Variants in DIAPH2 observed in about 807,000 individuals in gnomAD.
DIAPH2 encodes protein diaphanous homolog 2.
Under a neutral mutation model 92.7 loss-of-function variants are expected in DIAPH2, and 35 were observed. The observed-to-expected ratio is 0.38, with a 90% CI of 0.29 to 0.50. The LOEUF (loss-of-function observed/expected upper bound fraction) is 0.50, where lower values mean the gene tolerates loss of function less well. Among genes scored for constraint, DIAPH2 ranks in the 20% least tolerant of loss-of-function variants. The pLI, the probability that DIAPH2 is intolerant of heterozygous loss-of-function variation, is 0.94. For missense variants in DIAPH2, 701 were observed against 819.5 expected (o/e 0.86, Z 1.77); for synonymous variants, 301 against 280.4 (o/e 1.07, Z -0.73).
Position 96,838,725 on chromosome X carries a change from A to C in DIAPH2, c.448-42854A>C, listed in dbSNP as rs766842033. On this transcript the variant is annotated intron_variant, in intron 4 of 26. Transcript: ENST00000324765. Reference sequence around the variant, plus strand: ...ACCGTAATAGATGAAATGGAAAGTAATTATGTTAATGTTGACTCATTATGA... The same window carrying C: ...ACCGTAATAGATGAAATGGAAAGTACTTATGTTAATGTTGACTCATTATGA... Among the ~76,000 whole-genome samples, 3 of 112,009 alleles carry C rather than the reference A, an allele frequency of 2.7e-5. No homozygotes were observed. In the Admixed American group the frequency reaches 2.8e-4, roughly 11 times the overall value.
intron 26 of DIAPH2, among the ~76,000 whole-genome samples, chrX:97,476,293 A>G (rs956567121): frequency 1.8e-5 from 2 of 112,263 alleles, no homozygotes; most frequent in African/African-American, 6.5e-5. Flanking sequence ...CTGGCTTAAC[A>G]CATTAGTGGT....
intron 3 of DIAPH2, among the ~76,000 whole-genome samples, chrX:96,749,036 A>G (rs1468239593): frequency 9.3e-6 from 1 of 107,559 alleles, no homozygotes. Flanking sequence ...TGCAAAACCT[A>G]AAATATTTAC....
chrX:97,326,709 T>C (rs776356841), intron 23 of DIAPH2, among the ~76,000 whole-genome samples: 8 of 112,692 alleles, frequency 7.1e-5, no homozygotes, highest in African/African-American at 2.6e-4. Context: ...TCAGTGACTC[T>C]GCATGATTGA....
intron 22 of DIAPH2, among the ~76,000 whole-genome samples, chrX:97,212,602 T>G (rs2067850344): frequency 9.4e-6 from 1 of 106,874 alleles, no homozygotes; most frequent in Non-Finnish European, 1.9e-5. Context: ...TTTTTTTTTT[T>G]TTTTTTCAAA....
At chrX:97,071,478 A>T (rs912586151) in intron 17 of DIAPH2, among the ~76,000 whole-genome samples, 5 of 111,483 alleles carry the variant, frequency 4.5e-5, no homozygotes, top group African/African-American at 1.6e-4. Context: ...GCCATGTCTC[A>T]TAAGATCATA....
chrX:97,331,294 C>T (rs961840805), intron 23 of DIAPH2, among the ~76,000 whole-genome samples: 1 of 111,667 alleles, frequency 9.0e-6, no homozygotes, highest in Non-Finnish European at 1.9e-5. Flanking sequence ...CCACATAAAG[C>T]TAAAAATGTC....
At chrX:96,797,002 C>T (rs1430217374) in intron 4 of DIAPH2, among the ~76,000 whole-genome samples, 2 of 111,652 alleles carry the variant, frequency 1.8e-5, no homozygotes, top group Non-Finnish European at 3.8e-5. Context: ...TTGGATTTTG[C>T]ACTGTATATT....
At chrX:97,306,890 C>T (rs2068751564) in intron 23 of DIAPH2, among the ~76,000 whole-genome samples, 1 of 111,923 alleles carries the variant, frequency 8.9e-6, no homozygotes, top group South Asian at 3.8e-4. Context: ...AAAGACTTTC[C>T]ACACTAAAGA....
chrX:97,342,308 C>T (rs772004051), intron 23 of DIAPH2, among the ~76,000 whole-genome samples: 20 of 112,085 alleles, frequency 1.8e-4, no homozygotes, highest in Middle Eastern at 9.3e-3. Context: ...TGGTGTCATC[C>T]TATGCAGTGT....
At chrX:97,274,953 T>C (rs1055728674) in intron 23 of DIAPH2, among the ~76,000 whole-genome samples, 3 of 111,114 alleles carry the variant, frequency 2.7e-5, no homozygotes, top group Non-Finnish European at 3.8e-5. Context: ...GAGCACCGGG[T>C]TGGGGGTAAG....
At chrX:97,022,308 C>T (rs778767577) in intron 17 of DIAPH2, among the ~76,000 whole-genome samples, 1 of 112,100 alleles carries the variant, frequency 8.9e-6, no homozygotes, top group African/African-American at 3.2e-5. Flanking sequence ...AAGCTGCTTT[C>T]ACTGTTGACA....
At chrX:97,520,114 G>T (rs1428694115) in intron 26 of DIAPH2, among the ~76,000 whole-genome samples, 1 of 111,797 alleles carries the variant, frequency 8.9e-6, no homozygotes, top group Non-Finnish European at 1.9e-5. Context: ...TACCAAATCT[G>T]GATAACAAGA....
chrX:97,456,237 A>G (rs1190191910), intron 26 of DIAPH2, among the ~76,000 whole-genome samples: 1 of 110,637 alleles, frequency 9.0e-6, no homozygotes, highest in Non-Finnish European at 1.9e-5. Context: ...AATACAAAAA[A>G]TTAGCCGGGC....
At chrX:97,210,510 T>G (rs2067831645) in intron 22 of DIAPH2, among the ~76,000 whole-genome samples, 1 of 112,263 alleles carries the variant, frequency 8.9e-6, no homozygotes, top group Non-Finnish European at 1.9e-5. Context: ...TATCCAGCAT[T>G]GTATTTTCCC....
chrX:96,852,243 C>T (rs1338555913), intron 4 of DIAPH2, among the ~76,000 whole-genome samples: 2 of 112,099 alleles, frequency 1.8e-5, no homozygotes, highest in South Asian at 3.7e-4. Flanking sequence ...AGGCACTGAA[C>T]GTTTCAAAGA....
intron 5 of DIAPH2, chrX:96,884,892 T>A: frequency 1.7e-6 from 2 of 1,211,337 alleles, no homozygotes; most frequent in Non-Finnish European, 2.2e-6. Context: ...GGGATAACGA[T>A]GAGAGTCACC....
At chrX:97,179,386 G>A (rs975292402) in intron 22 of DIAPH2, among the ~76,000 whole-genome samples, 4 of 109,704 alleles carry the variant, frequency 3.6e-5, no homozygotes, top group South Asian at 4.0e-4. Context: ...CAACAAGCCC[G>A]TGTGTGATGT....
chrX:97,129,146 CTTTCT>C lies in DIAPH2; in HGVS notation c.2590-12501_2590-12497del, dbSNP rs1555988045. ...CTTTTCTTTTCTTTTCTTTTCTTTT[CTTTCT>C]TTTCTTTTCTTTTCTTTCTTTTCTT... On this transcript the variant is annotated intron_variant, in intron 21 of 26. Transcript: ENST00000324765. Among the ~76,000 whole-genome samples, 4 of 36,563 alleles carry C rather than the reference CTTTCT, an allele frequency of 1.1e-4. No individual in the cohort carries two copies. The South Asian group carries it at 3.6e-3, about 33-fold the overall frequency. 31.8% of individuals were successfully genotyped at this position (36,563 alleles called of 115,157 possible).
intron 26 of DIAPH2, among the ~76,000 whole-genome samples, chrX:97,482,658 AAG>A (rs1341123818): frequency 1.4e-3 from 115 of 81,167 alleles, no homozygotes; most frequent in African/African-American, 5.4e-3. Flanking sequence ...GGGGACCAAA[AAG>A]AAAAAAAAAA....
Sources: gnomAD v4.1 joint callset for allele counts (sites outside exome capture counted in the v4.1 genomes callset) on GRCh38, gnomAD v4.1.1 for gene constraint, MANE v1.5 for transcripts, NCBI Gene and HGNC (gene_info 2026-07-23, HGNC 2026-07-21) for gene names.